The following SMC6 variants were observed in gnomAD, a reference collection of about 807,000 sequenced individuals.
The protein encoded by SMC6 is structural maintenance of chromosomes protein 6.
A neutral mutation model predicts 142.2 loss-of-function variants in SMC6; 79 were observed. The ratio of observed to expected loss-of-function variants is 0.56; its 90% confidence interval spans 0.46 to 0.67. The LOEUF is 0.67. Ranked by LOEUF, SMC6 falls within the 30% of genes least tolerant of loss-of-function variation. The pLI is 0.00. For synonymous variants in SMC6, 411 were observed against 412.4 expected (o/e 1.00, Z 0.04); for missense variants, 1,072 against 1,284.0 (o/e 0.83, Z 2.52).
chr2:17,708,616 C>T (rs373439896), intron 17 of SMC6, 23 bp downstream of exon 17: 1 of 1,262,848 alleles, frequency 7.9e-7, no homozygotes, highest in South Asian at 1.8e-5. Flanking sequence ...ACATCAAATA[C>T]AGCAAAGATC....
Position 17,752,960 on chromosome 2 carries a change from G to A in SMC6, c.-6+18C>T. 1 of 952,824 alleles carries A rather than the reference G, an allele frequency of 1.0e-6. No individual in the cohort carries two copies. Among genetic ancestry groups the A allele is most frequent in the South Asian group, 4.8e-5 (1 of 20,638 alleles). The allele number at this position is 952,824 out of a possible 1,614,324, so 59.0% of individuals were successfully genotyped here. Reference sequence around the variant, plus strand: ...CTCAAACACCAAATGATTGCTCTAAGAATTTTCACAGTATTACCTCAAACC... The same window carrying A: ...CTCAAACACCAAATGATTGCTCTAAAAATTTTCACAGTATTACCTCAAACC... On this transcript the variant is annotated intron_variant, in intron 2 of 27. Coordinates refer to ENST00000448223, the MANE Select transcript of SMC6 (RefSeq NM_001142286.2).
At position 17,703,301 on chromosome 2, in the gene SMC6, G is replaced by T. The variant is rs1668357715; in HGVS notation, c.2007-9C>A. 1 of 1,590,340 alleles carries T rather than the reference G, an allele frequency of 6.3e-7. No homozygotes were observed. The highest frequency in any genetic ancestry group is 1.2e-5 in the South Asian group (1 of 86,680). On this transcript the variant is annotated splice_polypyrimidine_tract_variant and intron_variant, in intron 18 of 27. Transcript: ENST00000448223. ...CCTCATTCTCCAAGTCACTTGATAG[G>T]AAAGGAGAAGATAGAAAATACTTTA...
intron 7 of SMC6, among the ~76,000 whole-genome samples, chr2:17,728,352 T>C (rs1424813726): frequency 2.0e-5 from 3 of 152,164 alleles, no homozygotes; most frequent in African/African-American, 4.8e-5. Context: ...GAGGATCACT[T>C]GAGCCTGAGA....
chr2:17,701,799 T>C, intron 20 of SMC6, 30 bp downstream of exon 20: 1 of 1,365,428 alleles, frequency 7.3e-7, no homozygotes, highest in Non-Finnish European at 1.0e-6. Context: ...CCCTTTAATA[T>C]TACATTTAAA....
Position 17,716,299 on chromosome 2 carries a change from G to A in SMC6, c.1347-35C>T, listed in dbSNP as rs773937231. 2.5e-6 allele frequency: 4 copies of A among 1,574,026 alleles called. No homozygotes were observed. The South Asian group carries it at 4.7e-5, about 19-fold the overall frequency. ...AAAAGCAGAAAAACAGAACATATAT[G>A]TGATAGTTTTACAGAAACATTTAAC... On this transcript the variant is annotated intron_variant, in intron 14 of 27. Coordinates refer to ENST00000448223, the MANE Select transcript of SMC6 (RefSeq NM_001142286.2).
intron 23 of SMC6, 92 bp downstream of exon 23, chr2:17,695,060 T>C: frequency 7.8e-6 from 11 of 1,410,932 alleles, no homozygotes; most frequent in Non-Finnish European, 9.9e-6. Context: ...TAACACTTCA[T>C]TCAAATTTAA....
chr2:17,746,730 T>C (rs950259325), intron 2 of SMC6, among the ~76,000 whole-genome samples: 1 of 152,346 alleles, frequency 6.6e-6, no homozygotes, highest in South Asian at 2.1e-4. Flanking sequence ...GCTGATAGTT[T>C]ATGATTAAAA....
chr2:17,719,096 C>G (rs1419162648), intron 11 of SMC6, among the ~76,000 whole-genome samples: 1 of 152,120 alleles, frequency 6.6e-6, no homozygotes, highest in African/African-American at 2.4e-5. Context: ...CTACAAGGAG[C>G]TAGATAGTGC....
intron 2 of SMC6, among the ~76,000 whole-genome samples, chr2:17,748,542 G>C (rs1370770281): frequency 9.9e-5 from 15 of 152,200 alleles, no homozygotes; most frequent in Admixed American, 9.8e-4. Flanking sequence ...TTTTGAAACT[G>C]TTATTAAAAT....
Position 17,696,404 on chromosome 2 carries a change from G to C in SMC6, c.2417C>G (p.Ser806Cys), listed in dbSNP as rs1667989022. 6.2e-7 allele frequency: 1 copy of C among 1,607,972 alleles called. No homozygotes were observed. The highest frequency in any genetic ancestry group is 1.1e-5 in the South Asian group (1 of 89,416). ...CCCTCGTTTTTGGTTATCCACTTCA[G>C]AATCAGCAAGGTTTAATTCATCCTG... ...PLKDELNLAD[S>C]EVDNQKRGKR... The change falls in exon 22 of 28, where the codon TCT becomes TGT. Residue 806 changes from serine to cysteine, a missense_variant. Physicochemically the swap from Ser to Cys is moderately radical, Grantham distance 112 (BLOSUM62 -1). Coordinates refer to ENST00000448223, the MANE Select transcript of SMC6 (RefSeq NM_001142286.2).
chr2:17,753,438 C>T (rs1004298585), intron 1 of SMC6, among the ~76,000 whole-genome samples, 188 bp downstream of exon 1: 3 of 104,836 alleles, frequency 2.9e-5, no homozygotes, highest in South Asian at 2.5e-4. Context: ...GCGAAGGTGC[C>T]GCCGGCCGCC....
At chr2:17,710,268 A>G (rs1455714542) in intron 16 of SMC6, among the ~76,000 whole-genome samples, 1 of 152,226 alleles carries the variant, frequency 6.6e-6, no homozygotes. Flanking sequence ...GGAGTCAAGA[A>G]TGACTCTGCA....
At chr2:17,666,059 A>G (rs937677115) in intron 27 of SMC6, among the ~76,000 whole-genome samples, 3 of 152,228 alleles carry the variant, frequency 2.0e-5, no homozygotes, top group Non-Finnish European at 4.4e-5. Flanking sequence ...CTTTGTTTAG[A>G]AAGATTGACA....
Position 17,718,080 on chromosome 2 carries a change from A to G in SMC6, c.1089T>C (p.Ala363=). 1 of 1,603,058 alleles carries G rather than the reference A, an allele frequency of 6.2e-7. No homozygotes were observed. Among genetic ancestry groups the G allele is most frequent in the Non-Finnish European group, 8.5e-7 (1 of 1,175,204 alleles). The change falls in exon 12 of 28, where the codon GCT becomes GCC. Residue 363 remains alanine (A), a synonymous_variant. Transcript: ENST00000448223. ...CAGTTTAGAAAATTTATCTCACCTC[A>G]GCTTCATTATAGGCCCTTTTCTTAG... is the stretch of plus-strand genomic sequence containing the variant. The part of the protein sequence containing the change: ...VVAKKRAYNE[A]EVLYNRSLNE...
intron 5 of SMC6, among the ~76,000 whole-genome samples, chr2:17,737,433 T>C (rs1670213323): frequency 6.6e-6 from 1 of 152,194 alleles, no homozygotes; most frequent in Non-Finnish European, 1.5e-5. Flanking sequence ...TATGACAGCA[T>C]TTGGGGCATT....
chr2:17,708,650 G>A lies in SMC6; in HGVS notation c.1834C>T (p.Leu612=). The part of the protein sequence containing the change: ...LIDMRGIETV[L]LIKNNSVARA... Reference sequence around the variant, plus strand: ...TCTGGAGGTCTTACTTTGATTAGTAGCACTGTCTCTATGCCTCTCATGTCA... The same window carrying A: ...TCTGGAGGTCTTACTTTGATTAGTAACACTGTCTCTATGCCTCTCATGTCA... The change falls in exon 17 of 28, where the codon CTA becomes TTA. Residue 612 remains leucine, a synonymous_variant. Coordinates refer to ENST00000448223, the MANE Select transcript of SMC6 (RefSeq NM_001142286.2). 2 of 1,505,170 alleles carry A rather than the reference G, an allele frequency of 1.3e-6. No individual in the cohort carries two copies. Among genetic ancestry groups the A allele is most frequent in the Non-Finnish European group, 1.8e-6 (2 of 1,121,352 alleles). The allele number at this position is 1,505,170 out of a possible 1,614,324, so 93.2% of individuals were successfully genotyped here.
Position 17,666,665 on chromosome 2 carries a change from T to C in SMC6, c.3064-148A>G, listed in dbSNP as rs1666509721. The C allele has an allele frequency of 6.3e-6, 4 of 636,350 alleles. No individual in the cohort carries two copies. The East Asian group carries it at 1.1e-4, about 17-fold the overall frequency. 39.4% of individuals were successfully genotyped at this position (636,350 alleles called of 1,614,324 possible). On this transcript the variant is annotated intron_variant, in intron 26 of 27. Transcript: ENST00000448223. ...ATGATGTCCAAGAAATCTATTATAC[T>C]GGAAAAGAAATACCAGAAACTATTA...
chr2:17,732,253 T>C (rs1669947605), intron 5 of SMC6, among the ~76,000 whole-genome samples: 1 of 152,224 alleles, frequency 6.6e-6, no homozygotes, highest in African/African-American at 2.4e-5. Flanking sequence ...GTAAGTTATA[T>C]AAAGCATCAT....
chr2:17,726,491 T>C (rs1488693620), intron 7 of SMC6, 22 bp from the exon 8 acceptor site: 26 of 1,585,236 alleles, frequency 1.6e-5, no homozygotes, highest in Non-Finnish European at 2.2e-5. Context: ...AAAAAGTCAT[T>C]TTTGAATATT....
Sources: allele counts gnomAD v4.1 joint callset (sites outside exome capture counted in the v4.1 genomes callset), GRCh38; gene constraint gnomAD v4.1.1; transcripts MANE v1.5; gene names NCBI Gene and HGNC (gene_info 2026-07-23, HGNC 2026-07-21).